The following TJP1 variants were observed in gnomAD, a reference collection of about 807,000 sequenced individuals.
TJP1 encodes the protein tight junction protein ZO-1.
In TJP1, 43 loss-of-function variants were observed where a neutral mutation model predicts 194.2. That is an observed-to-expected ratio of 0.22 (90% confidence interval 0.17 to 0.29). TJP1 has a LOEUF of 0.29. TJP1 is among the 10% of genes least tolerant of loss of function. TJP1 has a pLI of 1.00. For missense variants in TJP1, 1,971 were observed against 2,185.7 expected, an observed-to-expected ratio of 0.90 and a Z score of 1.96; for synonymous variants, 801 against 779.0, an observed-to-expected ratio of 1.03 and a Z score of -0.47.
intron 19 of TJP1, 23 bp from the exon 20 acceptor site, chr15:29,720,039 T>G (rs759728688): frequency 6.4e-7 from 1 of 1,572,078 alleles, no homozygotes; most frequent in African/African-American, 1.4e-5. Flanking sequence ...TAAAATATTT[T>G]AAATATAGTG....
rs141982522 is a variant in TJP1, at chr15:29,801,893, A to G, written c.28-1191T>C. Among the ~76,000 whole-genome samples the G allele has an allele frequency of 6.4e-4, 97 of 152,082 alleles. 3 individuals carry two copies. In the East Asian group the frequency reaches 0.015, roughly 23 times the overall value. On this transcript the variant is annotated intron_variant, in intron 1 of 27. Transcript: ENST00000614355. ...TAATGAAAGCTGATGAGCTTAAAAA[A>G]AAAATTACAAAAAAAAAAATCTCAT...
chr15:29,946,193 G>A (rs2055275999), intron 2 of TJP1, among the ~76,000 whole-genome samples: 1 of 152,186 alleles, frequency 6.6e-6, no homozygotes, highest in Admixed American at 6.5e-5. Context: ...GAATGACAAT[G>A]CAAATTAATA....
chr15:29,796,288 TC>T, intron 2 of TJP1, among the ~76,000 whole-genome samples: 1 of 149,738 alleles, frequency 6.7e-6, no homozygotes, highest in East Asian at 2.0e-4. Flanking sequence ...CACCCAGGAA[TC>T]TAAACAAGAA....
intron 23 of TJP1, among the ~76,000 whole-genome samples, chr15:29,713,214 A>G (rs892325721): frequency 2.6e-5 from 4 of 152,242 alleles, no homozygotes; most frequent in African/African-American, 9.6e-5. Flanking sequence ...TTGATAACAA[A>G]AAATCCCTGG....
intron 2 of TJP1, among the ~76,000 whole-genome samples, chr15:29,896,706 T>C (rs1282826597): frequency 2.0e-5 from 3 of 152,120 alleles, no homozygotes; most frequent in African/African-American, 7.2e-5. Context: ...CAGGCTGAAG[T>C]GGTCTCAGAT....
intron 2 of TJP1, among the ~76,000 whole-genome samples, chr15:29,903,217 C>T (rs537587223): frequency 5.9e-5 from 9 of 152,096 alleles, no homozygotes; most frequent in African/African-American, 2.2e-4. Flanking sequence ...TATGTGTCAT[C>T]GTTTTTAAGC....
At chr15:29,760,259 T>C in intron 8 of TJP1, 2 of 702,342 alleles carry the variant, frequency 2.8e-6, no homozygotes, top group South Asian at 1.5e-5. Flanking sequence ...CACATTTTTC[T>C]GGAGAGAAGG....
At chr15:29,818,507 CTTTA>C (rs937463700) in intron 1 of TJP1, among the ~76,000 whole-genome samples, 6 of 152,016 alleles carry the variant, frequency 3.9e-5, no homozygotes, top group African/African-American at 4.8e-5. Context: ...CGTTTTTTTC[CTTTA>C]TTTATTTATT....
chr15:29,761,463 A>AAATGTATAT (rs1471000909), intron 7 of TJP1, 138 bp downstream of exon 7: 3 of 1,301,338 alleles, frequency 2.3e-6, no homozygotes, highest in Non-Finnish European at 3.1e-6. Flanking sequence ...CTACAGGAAA[A>AAATGTATAT]AATGTATATA....
intron 27 of TJP1, 32 bp downstream of exon 27, chr15:29,704,130 A>G (rs2041736629): frequency 1.9e-5 from 30 of 1,542,980 alleles, no homozygotes; most frequent in Non-Finnish European, 2.6e-5. Flanking sequence ...CAGTCCCCAA[A>G]GCTCCCAAAG....
At chr15:29,764,458 C>T (rs1212768498) in intron 5 of TJP1, among the ~76,000 whole-genome samples, 1 of 152,116 alleles carries the variant, frequency 6.6e-6, no homozygotes, top group African/African-American at 2.4e-5. Context: ...ACAGAAGTGT[C>T]ACAGAGGATC....
chr15:29,755,220 G>T (rs2045568732), intron 8 of TJP1, among the ~76,000 whole-genome samples: 1 of 152,166 alleles, frequency 6.6e-6, no homozygotes, highest in Non-Finnish European at 1.5e-5. Context: ...TATAGCCTGG[G>T]TGTGTGGCAG....
intron 1 of TJP1, among the ~76,000 whole-genome samples, chr15:29,957,742 C>T (rs560679563): frequency 1.3e-5 from 2 of 152,278 alleles, no homozygotes; most frequent in East Asian, 3.9e-4. Context: ...TCTTTGGGTA[C>T]AAATGCATTA....
At position 29,829,260 on chromosome 15, in the gene TJP1, A is replaced by C. The variant is rs1228939383; in HGVS notation, c.307-28558T>G. Among the ~76,000 whole-genome samples, 3 of 152,144 alleles carry C rather than the reference A, an allele frequency of 2.0e-5. No homozygotes were observed. The East Asian group carries it at 5.8e-4, about 29-fold the overall frequency. On this transcript the variant is annotated intron_variant, in intron 2 of 28. Coordinates refer to the TJP1 transcript ENST00000356107. ...GGTACAGTATAATTAAATTGCATCA[A>C]GTTCTGCCTGTTTTAACTCTTTAAT...
At chr15:29,708,427 T>C (rs530306571) in intron 25 of TJP1, 132 bp downstream of exon 25, 36 of 758,906 alleles carry the variant, frequency 4.7e-5, no homozygotes, top group Admixed American at 3.6e-4. Flanking sequence ...ACAGCATTCA[T>C]TGCAACAACA....
chr15:29,928,899 G>A (rs1057162700), intron 2 of TJP1, among the ~76,000 whole-genome samples: 76 of 151,874 alleles, frequency 5.0e-4, no homozygotes, highest in Non-Finnish European at 7.1e-4. Flanking sequence ...CCGAGATCTC[G>A]CCATTGCACT....
intron 15 of TJP1, chr15:29,729,127 G>A (rs1199826269): frequency 6.6e-6 from 1 of 152,048 alleles, no homozygotes; most frequent in Non-Finnish European, 1.5e-5. Context: ...CTTCCTTCAG[G>A]TGAAATGTCA....
In TJP1 at chr15:29,705,594, C is replaced by T. The variant is rs1171406350; in HGVS notation, c.5002G>A (p.Glu1668Lys). ...CAGACCTTGAAATAGATTTCCTGCT[C>T]AACTCCTTCGGGAATGGCTCCTTGA... The part of the protein sequence containing the change: ...IPQGAIPEGV[E>K]QEIYFKVCRD... The change falls in exon 26 of 28, where the codon GAG becomes AAG. Residue 1668 changes from glutamate to lysine, a missense_variant. Glu to Lys is a moderately conservative substitution (Grantham distance 56, BLOSUM62 1). Around this residue, in one of 5 missense-constraint regions of TJP1, gnomAD observed 1,108 missense variants for 1,128.5 expected, o/e 0.98. Coordinates refer to ENST00000614355, the MANE Select transcript of TJP1 (RefSeq NM_001330239.4). 6.2e-7 allele frequency: 1 copy of T among 1,614,110 alleles called. No homozygotes were observed. The highest frequency in any genetic ancestry group is 1.3e-5 in the African/African-American group (1 of 74,926).
At chr15:29,818,856 G>C (rs541216838) in intron 1 of TJP1, among the ~76,000 whole-genome samples, 1 of 151,448 alleles carries the variant, frequency 6.6e-6, no homozygotes, top group Non-Finnish European at 1.5e-5. Context: ...TCACTTTGTC[G>C]CCCAGGCTGT....
Sources: allele counts gnomAD v4.1 joint callset (sites outside exome capture counted in the v4.1 genomes callset), GRCh38; gene constraint gnomAD v4.1.1; regional missense constraint gnomAD v4.1.1; transcripts MANE v1.5; gene names NCBI Gene and HGNC (gene_info 2026-07-23, HGNC 2026-07-21).